Variants in AKR1C1 observed in about 807,000 individuals in gnomAD.
AKR1C1 encodes aldo-keto reductase family 1 member C1.
A neutral mutation model predicts 40.6 loss-of-function variants in AKR1C1; 32 were observed. The observed-to-expected ratio is 0.79, with a 90% CI of 0.60 to 1.06. AKR1C1 has a LOEUF of 1.06. AKR1C1 is among the 50% of genes least tolerant of loss of function. The pLI, the probability that AKR1C1 is intolerant of heterozygous loss-of-function variation, is 0.00. For missense variants in AKR1C1, 320 were observed against 363.5 expected (o/e 0.88, Z 0.97); for synonymous variants, 105 against 134.2 (o/e 0.78, Z 1.50).
In AKR1C1 at chr10:4,972,246, T is replaced by C. The variant is rs782505662; in HGVS notation, c.616T>C (p.Cys206Arg). 3.5e-5 allele frequency: 57 copies of C among 1,613,872 alleles called. No homozygotes were observed. The highest frequency in any genetic ancestry group is 4.1e-5 in the Non-Finnish European group (48 of 1,180,006). The change falls in exon 6 of 9, where the codon TGC becomes CGC. Residue 206 changes from cysteine (C) to arginine (R), a missense_variant. By Grantham distance (180) the Cys-to-Arg change is radical. Coordinates refer to ENST00000380872, the MANE Select transcript of AKR1C1 (RefSeq NM_001353.6). ...YFNQRKLLDF[C>R]KSKDIVLVAY... is the part of the protein sequence containing the mutation. ...CAACCAGAGAAAACTGCTGGATTTCTGCAAGTCAAAAGACATTGTTCTGGT... is the reference window on the plus strand; with the variant it reads ...CAACCAGAGAAAACTGCTGGATTTCCGCAAGTCAAAAGACATTGTTCTGGT...
intron 5 of AKR1C1, among the ~76,000 whole-genome samples, chr10:4,971,495 C>CATAT (rs761284562): frequency 4.8e-5 from 6 of 126,206 alleles, no homozygotes; most frequent in Non-Finnish European, 9.6e-5. Flanking sequence ...ATCTACTCAG[C>CATAT]ATATATATAT....
rs1836551764 is a variant in AKR1C1, at chr10:4,977,854, C to A, written c.*112C>A. ...ATCGCCTCTGGTTAAATCTCTCCTG[C>A]TTGGTGATTTCAGCAAGCTACAGCA... On this transcript the variant is annotated 3_prime_UTR_variant, in exon 9 of 9. Transcript: ENST00000380872. 6.8e-7 allele frequency: 1 copy of A among 1,471,030 alleles called. No homozygotes were observed. Among genetic ancestry groups the A allele is most frequent in the African/African-American group, 1.4e-5 (1 of 69,266 alleles). The allele number at this position is 1,471,030 out of a possible 1,614,324, so 91.1% of individuals were successfully genotyped here.
At chr10:4,965,651 G>A in intron 1 of AKR1C1, 1 of 365,658 alleles carries the variant, frequency 2.7e-6, no homozygotes. Context: ...TCCAAAAAAT[G>A]ACTGAACCTG....
rs782765030 is a variant in AKR1C1 at position 4,977,758 on chromosome 10, A to G, written c.*16A>G. 3.7e-6 allele frequency: 6 copies of G among 1,609,048 alleles called. No individual in the cohort carries two copies. The highest frequency in any genetic ancestry group is 5.1e-6 in the Non-Finnish European group (6 of 1,176,190). On this transcript the variant is annotated 3_prime_UTR_variant, in exon 9 of 9. Coordinates refer to ENST00000380872, the MANE Select transcript of AKR1C1 (RefSeq NM_001353.6). ...TGAATATTAACATGGAGGGCATTGCATGAGGTCTGCCAGAAGGCCCTGCGT... is the reference window on the plus strand; with the variant it reads ...TGAATATTAACATGGAGGGCATTGCGTGAGGTCTGCCAGAAGGCCCTGCGT...
chr10:4,973,730 T>A (rs1334851673), intron 7 of AKR1C1, among the ~76,000 whole-genome samples: 1 of 152,156 alleles, frequency 6.6e-6, no homozygotes, highest in Non-Finnish European at 1.5e-5. Flanking sequence ...TGTTCCTAAT[T>A]AATCTATCAT....
At position 4,982,176 on chromosome 10, in the gene AKR1C1, G is replaced by A. The variant is rs1477800348; in HGVS notation, c.*4434G>A. The A allele has an allele frequency of 6.6e-6, 1 of 152,248 alleles. No individual in the cohort carries two copies. The highest frequency in any genetic ancestry group is 1.5e-5 in the Non-Finnish European group (1 of 68,116). The allele number at this position is 152,248 out of a possible 1,614,324, so 9.4% of individuals were successfully genotyped here. On this transcript the variant is annotated 3_prime_UTR_variant, in exon 9 of 9. Coordinates refer to ENST00000380872, the MANE Select transcript of AKR1C1 (RefSeq NM_001353.6). Reference sequence around the variant, plus strand: ...AAACAGGACAGGGAGTGGTGTGTGTGCTGTGATAAGGAATGCTGAAAACGG... The same window carrying A: ...AAACAGGACAGGGAGTGGTGTGTGTACTGTGATAAGGAATGCTGAAAACGG...
intron 7 of AKR1C1, among the ~76,000 whole-genome samples, chr10:4,974,579 G>T (rs530749334): frequency 6.6e-6 from 1 of 151,494 alleles, no homozygotes; most frequent in Non-Finnish European, 1.5e-5. Flanking sequence ...AATTCTAATG[G>T]GATTGACTTT....
At chr10:4,969,268 T>C (rs2961611) in intron 5 of AKR1C1, among the ~76,000 whole-genome samples, 16,742 of 151,532 alleles carry the variant, frequency 0.11, 1,319 homozygotes, top group East Asian at 0.47. Context: ...AATGGATGGG[T>C]GAAGGTGATT....
rs1413250675 is a variant in AKR1C1 at position 4,979,953 on chromosome 10, CAT to C, written c.*2212_*2213del. The C allele has an allele frequency of 2.8e-5, 4 of 141,954 alleles. No homozygotes were observed. Among genetic ancestry groups the C allele is most frequent in the South Asian group, 2.3e-4 (1 of 4,370 alleles). 8.8% of individuals were successfully genotyped at this position (141,954 alleles called of 1,614,324 possible). A position where few individuals can be genotyped will look rare whatever the true frequency, so the allele number is the denominator to read the frequency against. Reference sequence around the variant, plus strand: ...GTGAACATATGGTAAAATATAAAAACATGTATTTTTGAAATTTTGGATTCTAC... The same window carrying C: ...GTGAACATATGGTAAAATATAAAAACGTATTTTTGAAATTTTGGATTCTAC... On this transcript the variant is annotated 3_prime_UTR_variant, in exon 9 of 9. Transcript: ENST00000380872.
At position 4,978,135 on chromosome 10, in the gene AKR1C1, T is replaced by C. The variant is rs1588566197; in HGVS notation, c.*393T>C. The C allele has an allele frequency of 2.3e-5, 5 of 217,786 alleles. No individual in the cohort carries two copies. The highest frequency in any genetic ancestry group is 1.6e-3 in the Middle Eastern group (1 of 622). The allele number at this position is 217,786 out of a possible 1,614,324, so 13.5% of individuals were successfully genotyped here. ...TTTCACCCTCTGGGAAAGGGGCAGG[T>C]GACAGGTATTTATCAGTCAGTGCCT... is the stretch of plus-strand genomic sequence containing the variant. On this transcript the variant is annotated 3_prime_UTR_variant, in exon 9 of 9. Coordinates refer to ENST00000380872, the MANE Select transcript of AKR1C1 (RefSeq NM_001353.6).
intron 1 of AKR1C1, among the ~76,000 whole-genome samples, chr10:4,964,477 A>C (rs1334060952): frequency 6.6e-6 from 1 of 152,214 alleles, no homozygotes; most frequent in African/African-American, 2.4e-5. Context: ...GAAATGATCA[A>C]GGATGGTATG....
At position 4,978,814 on chromosome 10, in the gene AKR1C1, C is replaced by T. The variant is rs1472094496; in HGVS notation, c.*1072C>T. ...TCTTTTGGAAACAGGCTATGTAAAA[C>T]AGCACACTGGTTTCAAACTTTGGTA... On this transcript the variant is annotated 3_prime_UTR_variant, in exon 9 of 9. Transcript: ENST00000380872. 2.6e-5 allele frequency: 4 copies of T among 152,302 alleles called. No homozygotes were observed. Among genetic ancestry groups the T allele is most frequent in the East Asian group, 3.9e-4 (2 of 5,190 alleles). 9.4% of individuals were successfully genotyped at this position (152,302 alleles called of 1,614,324 possible).
In AKR1C1 at chr10:4,974,543, A is replaced by G. The variant is rs527971661; in HGVS notation, c.847-1308A>G. Among the ~76,000 whole-genome samples the G allele has an allele frequency of 5.9e-5, 9 of 152,162 alleles. No individual in the cohort carries two copies. In the East Asian group the frequency reaches 1.7e-3, roughly 29 times the overall value. ...TACTGTGTTATCTTACAAAATTGTT[A>G]ATATTCTTTCCTTATAAATTTGGTT... On this transcript the variant is annotated intron_variant, in intron 7 of 8. Coordinates refer to ENST00000380872, the MANE Select transcript of AKR1C1 (RefSeq NM_001353.6).
At chr10:4,977,675 T>C in intron 8 of AKR1C1, 25 bp from the exon 9 acceptor site, 1 of 1,611,986 alleles carries the variant, frequency 6.2e-7, no homozygotes, top group Non-Finnish European at 8.5e-7. Flanking sequence ...CCATTCAGAG[T>C]GTGCATTTTT....
At chr10:4,969,025 C>G in intron 5 of AKR1C1, 81 bp downstream of exon 5, 2 of 1,601,924 alleles carry the variant, frequency 1.2e-6, no homozygotes, top group Non-Finnish European at 1.7e-6. Context: ...TTCATTTAGT[C>G]CCACTTATCT....
rs561873193 is a variant in AKR1C1, at chr10:4,979,241, A to C, written c.*1499A>C. 4.6e-3 allele frequency: 707 copies of C among 152,308 alleles called. 8 individuals are homozygous for C. The highest frequency in any genetic ancestry group is 0.016 in the African/African-American group (672 of 41,566). 9.4% of individuals were successfully genotyped at this position (152,308 alleles called of 1,614,324 possible). On this transcript the variant is annotated 3_prime_UTR_variant, in exon 9 of 9. Transcript: ENST00000380872. The stretch of plus-strand genomic sequence containing the variant: ...TTTTTTGGATTATTTTTCGTCTTCT[A>C]TCATTCCGCTGATCTTAGATATTCT...
intron 2 of AKR1C1, 87 bp downstream of exon 2, chr10:4,966,168 G>C (rs1328352068): frequency 6.6e-7 from 1 of 1,517,274 alleles, no homozygotes; most frequent in Non-Finnish European, 8.8e-7. Flanking sequence ...CCATAGTATA[G>C]GGTGAATTGT....
intron 4 of AKR1C1, 106 bp from the exon 5 acceptor site, chr10:4,968,716 A>T (rs975573283): frequency 1.8e-4 from 272 of 1,550,540 alleles, no homozygotes; most frequent in Admixed American, 2.9e-4. Context: ...CCCTTTTAAG[A>T]ACCACGGCTA....
rs535756225 is a variant in AKR1C1, at chr10:4,977,868, C to T, written c.*126C>T. The T allele has an allele frequency of 4.9e-5, 69 of 1,402,486 alleles. No homozygotes were observed. The African/African-American group carries it at 8.6e-4, about 17-fold the overall frequency. 86.9% of individuals were successfully genotyped at this position (1,402,486 alleles called of 1,614,324 possible). A position where few individuals can be genotyped will look rare whatever the true frequency, so the allele number is the denominator to read the frequency against. On this transcript the variant is annotated 3_prime_UTR_variant, in exon 9 of 9. Transcript: ENST00000380872. ...AATCTCTCCTGCTTGGTGATTTCAG[C>T]AAGCTACAGCAAAGCCCATTGGCCA... is the stretch of plus-strand genomic sequence containing the variant.
Sources: gnomAD v4.1 joint callset for allele counts (sites outside exome capture counted in the v4.1 genomes callset) on GRCh38, gnomAD v4.1.1 for gene constraint, MANE v1.5 for transcripts, NCBI Gene and HGNC (gene_info 2026-07-23, HGNC 2026-07-21) for gene names.